The following ZBTB40 variants were observed in gnomAD, a reference collection of about 807,000 sequenced individuals.
ZBTB40 encodes zinc finger and BTB domain-containing protein 40.
A neutral mutation model predicts 117.5 loss-of-function variants in ZBTB40; 60 were observed. The ratio of observed to expected loss-of-function variants is 0.51; its 90% CI spans 0.41 to 0.63. The LOEUF (loss-of-function observed/expected upper bound fraction) is 0.63. ZBTB40 is among the 30% of genes least tolerant of loss of function. ZBTB40 has a pLI of 0.00. For missense variants in ZBTB40, 1,287 were observed against 1,498.5 expected (o/e 0.86, Z 2.33); for synonymous variants, 525 against 577.1 (o/e 0.91, Z 1.29).
intron 1 of ZBTB40, among the ~76,000 whole-genome samples, chr1:22,480,609 C>T (rs948612722): frequency 2.1e-4 from 32 of 152,210 alleles, no homozygotes; most frequent in Non-Finnish European, 4.4e-4. Flanking sequence ...CTCGGCCTCC[C>T]AAAGTGCTGG....
intron 1 of ZBTB40, among the ~76,000 whole-genome samples, chr1:22,485,846 G>A (rs1004728178): frequency 6.6e-5 from 10 of 152,096 alleles, no homozygotes; most frequent in African/African-American, 2.4e-4. Context: ...ATCAAAGGCA[G>A]TCTTCATTTC....
At chr1:22,466,660 A>T (rs1248727012) in intron 1 of ZBTB40, among the ~76,000 whole-genome samples, 1 of 151,962 alleles carries the variant, frequency 6.6e-6, no homozygotes, top group Admixed American at 6.6e-5. Context: ...ACATCTGTTC[A>T]TGTACTTACT....
At chr1:22,431,215 A>G (rs1640576305) in intron 1 of ZBTB40, among the ~76,000 whole-genome samples, 1 of 96,606 alleles carries the variant, frequency 1.0e-5, no homozygotes, top group South Asian at 2.9e-4. Context: ...ATGTATTTCT[A>G]ATTTATTAGG....
intron 1 of ZBTB40, among the ~76,000 whole-genome samples, chr1:22,464,192 C>T (rs1300106928): frequency 6.6e-6 from 1 of 152,208 alleles, no homozygotes; most frequent in Non-Finnish European, 1.5e-5. Context: ...AAACAGAGCT[C>T]CTAATAGGTT....
chr1:22,523,158 A>G (rs1639586490), intron 16 of ZBTB40, among the ~76,000 whole-genome samples: 1 of 151,526 alleles, frequency 6.6e-6, no homozygotes, highest in African/African-American at 2.4e-5. Flanking sequence ...TCATCATGTT[A>G]GCCAGGATGG....
At chr1:22,466,666 T>A (rs1354165756) in intron 1 of ZBTB40, among the ~76,000 whole-genome samples, 1 of 152,086 alleles carries the variant, frequency 6.6e-6, no homozygotes, top group Admixed American at 6.6e-5. Context: ...GTTCATGTAC[T>A]TACTGGCCAC....
In ZBTB40 at chr1:22,501,576, G is replaced by A. The variant is rs890585529; in HGVS notation, c.916G>A (p.Val306Ile). The A allele has an allele frequency of 1.1e-5, 18 of 1,614,048 alleles. No individual in the cohort carries two copies. In the African/African-American group the frequency reaches 2.3e-4, roughly 20 times the overall value. ...TAAAGTAAGAGAGGAAAGCCTGGAT[G>A]TTCAAACTGTTGTGTCCCTGTTGAG... ...LGKVREESLD[V>I]QTVVSLLRLY... Residue 306 changes from valine (V) to isoleucine (I), a missense_variant, in exon 4 of 18, where the codon GTT becomes ATT. This residue lies in a region of ZBTB40 where 870 missense variants were observed against 934.4 expected (regional missense o/e 0.93). Coordinates refer to ENST00000375647, the MANE Select transcript of ZBTB40 (RefSeq NM_014870.4).
rs1294775191 is a variant in ZBTB40 at position 22,526,350 on chromosome 1, A to G, written c.3674A>G (p.Asp1225Gly). The stretch of plus-strand genomic sequence containing the variant: ...GAGCTCGTGGCGGTGACTGTGGAGG[A>G]CTTGCTGGATGGCACAGTGACGCTG... ...SSELVAVTVE[D>G]LLDGTVTLIC... is the part of the protein sequence containing the mutation. The change falls in exon 18 of 18, where the codon GAC becomes GGC. Residue 1225 changes from aspartate (D) to glycine (G), a missense_variant. By Grantham distance (94) the Asp-to-Gly change is moderately conservative. Around this residue, in one of 2 missense-constraint regions of ZBTB40, gnomAD observed 417 missense variants for 564.1 expected, o/e 0.74. Coordinates refer to ENST00000375647, the MANE Select transcript of ZBTB40 (RefSeq NM_014870.4). 6.2e-7 allele frequency: 1 copy of G among 1,614,118 alleles called. No homozygotes were observed. The highest frequency in any genetic ancestry group is 2.2e-5 in the East Asian group (1 of 44,864).
intron 3 of ZBTB40, among the ~76,000 whole-genome samples, chr1:22,496,226 C>T (rs149770573): frequency 1.6e-4 from 25 of 152,312 alleles, no homozygotes; most frequent in Admixed American, 3.3e-4. Flanking sequence ...AGGGATTGAG[C>T]GTGGCTTGCA....
At chr1:22,467,680 G>A (rs966507719) in intron 1 of ZBTB40, among the ~76,000 whole-genome samples, 4 of 151,598 alleles carry the variant, frequency 2.6e-5, no homozygotes, top group Non-Finnish European at 2.9e-5. Flanking sequence ...TCACCATGTT[G>A]GCCAGGCTGG....
rs1489903201 is a variant in ZBTB40 at position 22,511,947 on chromosome 1, C to G, written c.2274C>G (p.Cys758Trp). 6.2e-7 allele frequency: 1 copy of G among 1,614,152 alleles called. No individual in the cohort carries two copies. ...YCRLKVHMKR[C>W]RVAKSKQVQC... is the part of the protein sequence containing the mutation. ...GCCTAAAGGTGCACATGAAGCGCTG[C>G]CGGGTGGCTAAGAGCAAACAGGTGC... is the stretch of plus-strand genomic sequence containing the variant. Residue 758 changes from cysteine (C) to tryptophan (W), a missense_variant, in exon 11 of 18, where the codon TGC (cysteine) becomes TGG (tryptophan). Physicochemically the swap from Cys to Trp is radical, Grantham distance 215. Transcript: ENST00000375647.
intron 1 of ZBTB40, among the ~76,000 whole-genome samples, chr1:22,438,689 TG>T (rs1441699568): frequency 6.6e-6 from 1 of 152,218 alleles, no homozygotes; most frequent in Non-Finnish European, 1.5e-5. Context: ...TACTAGTTTC[TG>T]GTTTTTTGTT....
At chr1:22,521,334 C>A (rs1639518763) in intron 14 of ZBTB40, among the ~76,000 whole-genome samples, 162 bp from the exon 15 acceptor site, 1 of 152,188 alleles carries the variant, frequency 6.6e-6, no homozygotes. Context: ...CTCACAAACA[C>A]CAGGCTTTCC....
intron 1 of ZBTB40, among the ~76,000 whole-genome samples, chr1:22,430,632 C>T (rs1372989295): frequency 1.4e-5 from 2 of 144,206 alleles, no homozygotes; most frequent in Non-Finnish European, 3.0e-5. Flanking sequence ...CCACCACACC[C>T]GACTAATTTT....
rs209732 is a variant in ZBTB40, at chr1:22,506,250, A to T, written c.1360+9A>T. 0.65 allele frequency: 1,051,294 copies of T among 1,613,258 alleles called. 349,047 individuals carry two copies. The highest frequency in any genetic ancestry group is 0.92 in the East Asian group (41,314 of 44,866). On this transcript the variant is annotated intron_variant, in intron 6 of 17. Transcript: ENST00000375647. ...TTTGCCAAGCACCACAGGTATTAGT[A>T]AATTGTTGACTCTCTGGACTGGAAC...
In ZBTB40 at chr1:22,490,526, C is replaced by T. The variant is rs781684356; in HGVS notation, c.578C>T (p.Ala193Val). 10 of 1,610,452 alleles carry T rather than the reference C, an allele frequency of 6.2e-6. No homozygotes were observed. Among genetic ancestry groups the T allele is most frequent in the Admixed American group, 3.4e-5 (2 of 59,524 alleles). The change falls in exon 2 of 18, where the codon GCC (alanine) becomes GTC (valine). Residue 193 changes from alanine to valine, a missense_variant. Ala to Val is a moderately conservative substitution (Grantham distance 64). Coordinates refer to ENST00000375647, the MANE Select transcript of ZBTB40 (RefSeq NM_014870.4). ...GAGATGAGTGTGAATTCTCCCACAG[C>T]CCAGGAGAGCCAGAGGAATGCAGAA... ...SQEMSVNSPT[A>V]QESQRNAETP...
chr1:22,503,995 C>T (rs1386534310), intron 5 of ZBTB40, among the ~76,000 whole-genome samples: 1 of 152,252 alleles, frequency 6.6e-6, no homozygotes, highest in East Asian at 1.9e-4. Flanking sequence ...TCATTTTCTT[C>T]TGTCACTTTC....
intron 1 of ZBTB40, among the ~76,000 whole-genome samples, chr1:22,441,015 C>T (rs1640725644): frequency 6.6e-6 from 1 of 152,066 alleles, no homozygotes; most frequent in Non-Finnish European, 1.5e-5. Context: ...GAAGTGTTTC[C>T]TCCTCCTCAA....
intron 12 of ZBTB40, among the ~76,000 whole-genome samples, chr1:22,514,573 A>G (rs532899965): frequency 3.4e-4 from 52 of 151,978 alleles, no homozygotes; most frequent in African/African-American, 1.2e-3. Context: ...CAGACATCTC[A>G]CGTTTCACTT....
Sources: allele counts gnomAD v4.1 joint callset (sites outside exome capture counted in the v4.1 genomes callset), GRCh38; gene constraint gnomAD v4.1.1; regional missense constraint gnomAD v4.1.1; transcripts MANE v1.5; gene names NCBI Gene and HGNC (gene_info 2026-07-23, HGNC 2026-07-21).